NRAP: variants seen among roughly 807,000 people sequenced by gnomAD.
NRAP encodes nebulin-related-anchoring protein.
Under a neutral mutation model 225.9 loss-of-function variants are expected in NRAP, and 189 were observed. The observed-to-expected ratio is 0.84, with a 90% CI of 0.74 to 0.94. NRAP has a LOEUF of 0.94. Among genes scored for constraint, NRAP ranks in the 40% least tolerant of loss-of-function variants. The pLI, the probability that NRAP is intolerant of heterozygous loss-of-function variation, is 0.00. For synonymous variants in NRAP, 769 were observed against 790.7 expected, an observed-to-expected ratio of 0.97 and a Z score of 0.46; for missense variants, 2,176 against 2,168.7, an observed-to-expected ratio of 1.00 and a Z score of -0.07.
At chr10:113,647,450 C>T (rs1849589310) in intron 9 of NRAP, among the ~76,000 whole-genome samples, 1 of 150,966 alleles carries the variant, frequency 6.6e-6, no homozygotes, top group South Asian at 2.1e-4. Flanking sequence ...ACTGTCTCCC[C>T]CGGTGGTACT....
At chr10:113,645,080 G>GT (rs1849423087) in intron 11 of NRAP, among the ~76,000 whole-genome samples, 1 of 152,206 alleles carries the variant, frequency 6.6e-6, no homozygotes, top group Non-Finnish European at 1.5e-5. Context: ...AGTGCAGCAT[G>GT]TAAGGTAAGG....
At chr10:113,647,715 C>CCTCCCCCGGTGGTACTGT (rs1849661999) in intron 9 of NRAP, among the ~76,000 whole-genome samples, 1 of 143,090 alleles carries the variant, frequency 7.0e-6, no homozygotes, top group African/African-American at 2.5e-5. Context: ...AGTGGTACTG[C>CCTCCCCCGGTGGTACTGT]CTTCCCCAAT....
rs1324406159 is a variant in NRAP at position 113,663,430 on chromosome 10, C to A, written c.89G>T (p.Cys30Phe). 3.1e-6 allele frequency: 5 copies of A among 1,606,520 alleles called. No homozygotes were observed. Among genetic ancestry groups the A allele is most frequent in the Non-Finnish European group, 4.3e-6 (5 of 1,173,226 alleles). The change falls in exon 2 of 42, where the codon TGT becomes TTT. Residue 30 changes from cysteine (C) to phenylalanine (F), a missense_variant. This residue lies in a region of NRAP where 1,708 missense variants were observed against 1,695.5 expected (regional missense o/e 1.01). Coordinates refer to ENST00000359988, the MANE Select transcript of NRAP (RefSeq NM_198060.4). The part of the protein sequence containing the change: ...SCIDQIWHKA[C>F]FHCEVCKMML... ...CATCTTGCAAACTTCACAGTGAAAACAGGCTTTATGCCATATCTAGAAATC... is the reference window on the plus strand; with the variant it reads ...CATCTTGCAAACTTCACAGTGAAAAAAGGCTTTATGCCATATCTAGAAATC...
In NRAP at chr10:113,654,067, T is replaced by C. The variant is rs771227765; in HGVS notation, c.419A>G (p.Asp140Gly). 8 of 1,613,758 alleles carry C rather than the reference T, an allele frequency of 5.0e-6. No homozygotes were observed. Among genetic ancestry groups the C allele is most frequent in the East Asian group, 4.5e-5 (2 of 44,870 alleles). The change falls in exon 5 of 42, where the codon GAC becomes GGC. Residue 140 changes from aspartate (D) to glycine (G), a missense_variant. By Grantham distance (94) the Asp-to-Gly change is moderately conservative (BLOSUM62 -1). Around this residue, in one of 3 missense-constraint regions of NRAP, gnomAD observed 1,708 missense variants for 1,695.5 expected, o/e 1.01. Transcript: ENST00000359988. Reference protein sequence around the residue: ...GNAWCPGALPDPEIVRMVEAR... With the variant: ...GNAWCPGALPGPEIVRMVEAR... ...CTCAACCATCCTTACAATTTCGGGGTCTGGCAGAGCTCCTGGGCACCAAGC... is the reference window on the plus strand; with the variant it reads ...CTCAACCATCCTTACAATTTCGGGGCCTGGCAGAGCTCCTGGGCACCAAGC...
chr10:113,663,874 C>T lies in NRAP; in HGVS notation c.9G>A (p.Val3=), dbSNP rs1850854224. The stretch of plus-strand genomic sequence containing the variant: ...CATACCCACACCTAGAACAGGGCTG[C>T]ACATTCATCTCGAAGCCGGAAGAGA... MN[V]QPCSRCGYGV... is the part of the protein sequence containing the mutation. The change falls in exon 1 of 42, where the codon GTG becomes GTA. Residue 3 remains valine, a synonymous_variant. Coordinates refer to ENST00000359988, the MANE Select transcript of NRAP (RefSeq NM_198060.4). 2 of 1,613,486 alleles carry T rather than the reference C, an allele frequency of 1.2e-6. No individual in the cohort carries two copies. The highest frequency in any genetic ancestry group is 1.7e-6 in the Non-Finnish European group (2 of 1,179,476).
At chr10:113,639,200 G>A (rs531772843) in intron 14 of NRAP, among the ~76,000 whole-genome samples, 9 of 151,646 alleles carry the variant, frequency 5.9e-5, no homozygotes, top group Non-Finnish European at 1.2e-4. Context: ...GAGAAGCAAA[G>A]TTTAGGCCCC....
At chr10:113,658,954 T>C (rs1046561616) in intron 3 of NRAP, among the ~76,000 whole-genome samples, 3 of 151,898 alleles carry the variant, frequency 2.0e-5, no homozygotes, top group African/African-American at 7.2e-5. Context: ...ATTCTTAATT[T>C]TAAACATAAT....
In NRAP at chr10:113,633,143, A is replaced by AT. The variant is rs1281630208; in HGVS notation, c.1572dup (p.Leu525IlefsTer20). ...ACCAGCTGAGGAACATCCTGGGGCAATGTGTAATTCAACTTATTTTTCTCA... is the reference window on the plus strand; with the variant it reads ...ACCAGCTGAGGAACATCCTGGGGCAATTGTGTAATTCAACTTATTTTTCTCA... On this transcript the variant is annotated frameshift_variant, in exon 16 of 42. Coordinates refer to ENST00000359988, the MANE Select transcript of NRAP (RefSeq NM_198060.4). LOFTEE classifies it high-confidence loss of function. 6 of 1,609,850 alleles carry AT rather than the reference A, an allele frequency of 3.7e-6. No individual in the cohort carries two copies. Among genetic ancestry groups the AT allele is most frequent in the Middle Eastern group, 1.6e-4 (1 of 6,070 alleles).
intron 9 of NRAP, among the ~76,000 whole-genome samples, chr10:113,648,996 A>G (rs1849770004): frequency 6.6e-6 from 1 of 152,208 alleles, no homozygotes; most frequent in Non-Finnish European, 1.5e-5. Context: ...CTGATTTTTA[A>G]AAGTTGTCCT....
At chr10:113,639,783 T>C (rs775164549) in intron 14 of NRAP, among the ~76,000 whole-genome samples, 1 of 152,210 alleles carries the variant, frequency 6.6e-6, no homozygotes, top group Non-Finnish European at 1.5e-5. Context: ...TTCCATGTGC[T>C]CCTGAGAAAA....
chr10:113,640,504 T>C (rs1849140771), intron 13 of NRAP, among the ~76,000 whole-genome samples, 173 bp from the exon 14 acceptor site: 1 of 152,246 alleles, frequency 6.6e-6, no homozygotes, highest in Non-Finnish European at 1.5e-5. Context: ...TCTGAATTCC[T>C]CTTAATTAGT....
At chr10:113,644,393 T>C (rs1849381752) in intron 11 of NRAP, among the ~76,000 whole-genome samples, 1 of 152,200 alleles carries the variant, frequency 6.6e-6, no homozygotes, top group African/African-American at 2.4e-5. Context: ...GACCAGACAG[T>C]AAATATTTTA....
rs767255359 is a variant in NRAP at position 113,614,210 on chromosome 10, T to C, written c.3273A>G (p.Ser1091=). 6.2e-7 allele frequency: 1 copy of C among 1,613,870 alleles called. No individual in the cohort carries two copies. The highest frequency in any genetic ancestry group is 8.5e-7 in the Non-Finnish European group (1 of 1,179,724). ...CACTCTGCAGTGAGGTCGCATACAC[T>C]GAATGTGCAAGGCTGATATCATCTT... is the stretch of plus-strand genomic sequence containing the variant. ...SLEDDISLAH[S]VYATSLQSDV... The change falls in exon 29 of 42, where the codon TCA becomes TCG. Residue 1091 remains serine, a synonymous_variant. Transcript: ENST00000359988.
At chr10:113,657,602 G>A in intron 3 of NRAP, 28 bp from the exon 4 acceptor site, 2 of 1,262,006 alleles carry the variant, frequency 1.6e-6, no homozygotes, top group African/African-American at 1.5e-5. Context: ...TGTCAGTAAT[G>A]TTTCCATCAG....
chr10:113,659,151 C>A (rs562650231), intron 3 of NRAP, among the ~76,000 whole-genome samples: 3 of 152,212 alleles, frequency 2.0e-5, no homozygotes, highest in African/African-American at 7.2e-5. Context: ...ATTAAATGAA[C>A]ATTACGTAAA....
At chr10:113,625,025 C>G in intron 21 of NRAP, 95 bp from the exon 22 acceptor site, 1 of 734,082 alleles carries the variant, frequency 1.4e-6, no homozygotes, top group Non-Finnish European at 2.4e-6. Context: ...TGGCACTTCT[C>G]TGACTTGCAC....
intron 27 of NRAP, 131 bp downstream of exon 27, chr10:113,615,581 C>A: frequency 1.5e-6 from 1 of 674,462 alleles, no homozygotes; most frequent in Non-Finnish European, 2.7e-6. Flanking sequence ...AAAAATATCA[C>A]ATATTTCAAG....
intron 32 of NRAP, among the ~76,000 whole-genome samples, chr10:113,607,199 T>A (rs1403654814): frequency 2.1e-5 from 3 of 140,212 alleles, no homozygotes; most frequent in East Asian, 2.1e-4. Flanking sequence ...TGACTCTGTC[T>A]CAAACAAACA....
intron 37 of NRAP, among the ~76,000 whole-genome samples, chr10:113,596,675 G>C (rs1318993912): frequency 6.6e-6 from 1 of 152,068 alleles, no homozygotes; most frequent in African/African-American, 2.4e-5. Flanking sequence ...CCTAGCCTTT[G>C]GCAAGGGATC....
Sources: allele counts gnomAD v4.1 joint callset (sites outside exome capture counted in the v4.1 genomes callset), GRCh38; gene constraint gnomAD v4.1.1; regional missense constraint gnomAD v4.1.1; transcripts MANE v1.5; gene names NCBI Gene and HGNC (gene_info 2026-07-23, HGNC 2026-07-21).